Variants in SV2C observed in about 807,000 individuals in gnomAD.
SV2C encodes the protein synaptic vesicle glycoprotein 2C.
SV2C carries 49 observed loss-of-function variants against 79.7 expected under a neutral mutation model. The observed-to-expected ratio is 0.61, with a 90% CI of 0.49 to 0.78. SV2C has a LOEUF of 0.78. SV2C is among the 30% of genes least tolerant of loss of function. The pLI, the probability that SV2C is intolerant of heterozygous loss-of-function variation, is 0.00. For synonymous variants in SV2C, 334 were observed against 333.2 expected, an observed-to-expected ratio of 1.00 and a Z score of -0.03; for missense variants, 833 against 912.9, an observed-to-expected ratio of 0.91 and a Z score of 1.13.
intron 1 of SV2C, among the ~76,000 whole-genome samples, chr5:76,116,980 A>C (rs567441078): frequency 6.6e-6 from 1 of 152,326 alleles, no homozygotes; most frequent in Admixed American, 6.5e-5. Context: ...CCAGATCTAC[A>C]GAAGGATATG....
the SV2C span, among the ~76,000 whole-genome samples, chr5:75,934,834 A>G: frequency 6.6e-6 from 1 of 151,312 alleles, no homozygotes; most frequent in African/African-American, 2.4e-5. Flanking sequence ...AAGAGTAGTG[A>G]GCACATATTG....
the SV2C span, among the ~76,000 whole-genome samples, chr5:76,007,907 A>C: frequency 5.3e-5 from 8 of 152,214 alleles, no homozygotes; most frequent in Admixed American, 1.3e-4. Context: ...TGACAGGGAG[A>C]TTCTGTTAGG....
At chr5:76,006,902 C>T in the SV2C span, among the ~76,000 whole-genome samples, 1 of 152,152 alleles carries the variant, frequency 6.6e-6, no homozygotes, top group Non-Finnish European at 1.5e-5. Flanking sequence ...CTTACAATGC[C>T]TTCTCTCCCT....
the SV2C span, among the ~76,000 whole-genome samples, chr5:75,850,302 C>T: frequency 5.9e-5 from 9 of 152,264 alleles, no homozygotes; most frequent in Admixed American, 2.0e-4. Context: ...TATACACACA[C>T]CGTTCCCGTG....
chr5:76,262,448 T>C (rs895183654), intron 4 of SV2C, among the ~76,000 whole-genome samples: 1 of 152,186 alleles, frequency 6.6e-6, no homozygotes, highest in African/African-American at 2.4e-5. Flanking sequence ...TCAGTTTTCC[T>C]CTGATCTTAG....
the SV2C span, among the ~76,000 whole-genome samples, chr5:76,007,164 T>C: frequency 6.6e-6 from 1 of 152,042 alleles, no homozygotes; most frequent in Non-Finnish European, 1.5e-5. Flanking sequence ...GCAGTGATTT[T>C]CTAGAATGTA....
At chr5:76,111,663 C>T (rs576974380) in intron 1 of SV2C, among the ~76,000 whole-genome samples, 5 of 152,128 alleles carry the variant, frequency 3.3e-5, no homozygotes, top group Non-Finnish European at 7.4e-5. Flanking sequence ...CTAATTTGCC[C>T]CCCCAGGATT....
chr5:75,964,364 G>C, the SV2C span, among the ~76,000 whole-genome samples: 3 of 152,138 alleles, frequency 2.0e-5, no homozygotes, highest in African/African-American at 4.8e-5. Flanking sequence ...TAGCAGAGTA[G>C]TCCTTCTCAA....
the SV2C span, among the ~76,000 whole-genome samples, chr5:75,849,026 G>A: frequency 1.3e-5 from 2 of 152,230 alleles, no homozygotes; most frequent in Admixed American, 1.3e-4. Flanking sequence ...GACCTCCAGT[G>A]CTCTTCCCTC....
chr5:75,856,012 T>G, the SV2C span, among the ~76,000 whole-genome samples: 1 of 152,232 alleles, frequency 6.6e-6, no homozygotes, highest in East Asian at 1.9e-4. Flanking sequence ...GCTTTAATTT[T>G]TAGCTCCCAC....
In SV2C at chr5:76,086,650, T is replaced by C. The variant is rs115793764; in HGVS notation, c.-102+3138T>C. ...AAGGCAGCCCCTGGCATATATAGTT[T>C]TGATGCAACATTGCCACATTGTTTT... On this transcript the variant is annotated intron_variant, in intron 1 of 12. Coordinates refer to ENST00000502798, the MANE Select transcript of SV2C (RefSeq NM_014979.4). 5.1e-3 allele frequency among the ~76,000 whole-genome samples: 772 copies of C among 151,898 alleles called. 4 individuals carry two copies. Among genetic ancestry groups the C allele is most frequent in the African/African-American group, 0.018 (722 of 41,224 alleles).
At chr5:75,953,292 C>A in the SV2C span, among the ~76,000 whole-genome samples, 1 of 151,926 alleles carries the variant, frequency 6.6e-6, no homozygotes. Flanking sequence ...CTTCCATGAC[C>A]AAATACCTCC....
Position 76,197,827 on chromosome 5 carries a change from T to C in SV2C, c.761+2728T>C, listed in dbSNP as rs935012452. On this transcript the variant is annotated intron_variant, in intron 3 of 12. Coordinates refer to ENST00000502798, the MANE Select transcript of SV2C (RefSeq NM_014979.4). ...CTTCTGCAAGCTGGAAATGCTGGGA[T>C]GCCAGTAGCATGGCTCAGTATAAGT... Among the ~76,000 whole-genome samples, 3 of 152,176 alleles carry C rather than the reference T, an allele frequency of 2.0e-5. No individual in the cohort carries two copies. The East Asian group carries it at 5.8e-4, about 29-fold the overall frequency.
At chr5:75,874,792 G>A in the SV2C span, among the ~76,000 whole-genome samples, 1 of 152,046 alleles carries the variant, frequency 6.6e-6, no homozygotes, top group African/African-American at 2.4e-5. Context: ...AATCAGAAAG[G>A]CAATCCCATT....
chr5:76,084,922 A>C (rs948784083), intron 1 of SV2C, among the ~76,000 whole-genome samples: 20 of 151,938 alleles, frequency 1.3e-4, no homozygotes, highest in African/African-American at 4.8e-4. Flanking sequence ...CAGTGCCGGG[A>C]AGGAGCCGCA....
the SV2C span, among the ~76,000 whole-genome samples, chr5:75,901,734 G>A: frequency 1.3e-5 from 2 of 152,226 alleles, no homozygotes; most frequent in African/African-American, 2.4e-5. Flanking sequence ...GCTGTGGTGG[G>A]TTCCACCCAG....
intron 4 of SV2C, among the ~76,000 whole-genome samples, chr5:76,245,457 G>T (rs371879742): frequency 1.3e-5 from 2 of 152,154 alleles, no homozygotes; most frequent in Non-Finnish European, 2.9e-5. Flanking sequence ...AAGAAAACAC[G>T]ATCAGACTTA....
rs1046691330 is a variant in SV2C, at chr5:76,346,437, C to T, written c.2001-6693C>T. 3.3e-5 allele frequency among the ~76,000 whole-genome samples: 5 copies of T among 152,188 alleles called. No individual in the cohort carries two copies. In the East Asian group the frequency reaches 9.7e-4, roughly 29 times the overall value. On this transcript the variant is annotated intron_variant, in intron 12 of 12. Transcript: ENST00000322285. ...ACTTCAGTGGATATAGTCCCAGGTT[C>T]TCTGGCTTGAGTCTAAGCTCTAATT...
the SV2C span, among the ~76,000 whole-genome samples, chr5:76,015,876 G>C: frequency 1.3e-5 from 2 of 151,974 alleles, no homozygotes; most frequent in South Asian, 2.1e-4. Flanking sequence ...AATTATTATA[G>C]TAAATCTTAT....
Sources: gnomAD v4.1 joint callset for allele counts (sites outside exome capture counted in the v4.1 genomes callset) on GRCh38, gnomAD v4.1.1 for gene constraint, MANE v1.5 for transcripts, NCBI Gene and HGNC (gene_info 2026-07-23, HGNC 2026-07-21) for gene names.